CCNY: variants seen among roughly 807,000 people sequenced by gnomAD.
CCNY encodes cyclin-Y.
Under a neutral mutation model 42.8 loss-of-function variants are expected in CCNY, and 19 were observed. The ratio of observed to expected loss-of-function variants is 0.44; its 90% confidence interval spans 0.31 to 0.65. The LOEUF (loss-of-function observed/expected upper bound fraction) is 0.65, where lower values mean the gene tolerates loss of function less well. Among genes scored for constraint, CCNY ranks in the 30% least tolerant of loss-of-function variants. The pLI is 0.07. For synonymous variants in CCNY, 165 were observed against 162.7 expected (o/e 1.01, Z -0.11); for missense variants, 370 against 437.3 (o/e 0.85, Z 1.37).
chr10:35,490,492 A>T (rs916573259), intron 2 of CCNY, among the ~76,000 whole-genome samples: 4 of 152,244 alleles, frequency 2.6e-5, no homozygotes, highest in African/African-American at 4.8e-5. Context: ...CCTAGGCAGC[A>T]GTCTGCGGTC....
chr10:35,562,431 C>T (rs868092723), intron 8 of CCNY, among the ~76,000 whole-genome samples: 2 of 152,208 alleles, frequency 1.3e-5, no homozygotes, highest in African/African-American at 4.8e-5. Context: ...CCTTCATTTT[C>T]GCAAACTGAA....
intron 1 of CCNY, among the ~76,000 whole-genome samples, chr10:35,343,702 T>C (rs1836238035): frequency 6.6e-6 from 1 of 152,230 alleles, no homozygotes; most frequent in Admixed American, 6.5e-5. Flanking sequence ...ATGGTCTTGC[T>C]TTTACATTTC....
chr10:35,511,300 C>T (rs1445204837), intron 3 of CCNY, among the ~76,000 whole-genome samples: 1 of 152,120 alleles, frequency 6.6e-6, no homozygotes. Flanking sequence ...GCAGTCTAGA[C>T]CCCGGAGACA....
chr10:35,285,171 C>G (rs1349443350), intron 3 of CCNY, among the ~76,000 whole-genome samples: 1 of 152,008 alleles, frequency 6.6e-6, no homozygotes, highest in Non-Finnish European at 1.5e-5. Flanking sequence ...TGCACACCAC[C>G]TGTAATTACC....
chr10:35,516,282 G>A (rs1433854687), intron 3 of CCNY, among the ~76,000 whole-genome samples: 1 of 152,122 alleles, frequency 6.6e-6, no homozygotes, highest in Non-Finnish European at 1.5e-5. Context: ...AGAGTTTACT[G>A]TTCTCCTGAT....
intron 1 of CCNY, among the ~76,000 whole-genome samples, chr10:35,383,053 A>C (rs943441851): frequency 6.6e-6 from 1 of 152,084 alleles, no homozygotes; most frequent in African/African-American, 2.4e-5. Flanking sequence ...ATGGATCGAA[A>C]ACGCAATATT....
At chr10:35,562,051 G>A (rs1841477256) in intron 8 of CCNY, among the ~76,000 whole-genome samples, 1 of 152,202 alleles carries the variant, frequency 6.6e-6, no homozygotes, top group African/African-American at 2.4e-5. Flanking sequence ...GATGGGGAAA[G>A]GACAGTGAAA....
chr10:35,398,767 C>G (rs1454607927), intron 1 of CCNY, among the ~76,000 whole-genome samples: 5 of 152,206 alleles, frequency 3.3e-5, no homozygotes, highest in African/African-American at 1.2e-4. Context: ...ATAAAATACC[C>G]TTACAAGTTT....
chr10:35,411,512 CAAAAAAAAAAAA>C, intron 1 of CCNY, among the ~76,000 whole-genome samples: 1 of 61,396 alleles, frequency 1.6e-5, no homozygotes, highest in South Asian at 9.0e-4. Context: ...AAGACTCTGT[CAAAAAAAAAAAA>C]AAAAAAAAAA....
chr10:35,512,915 C>A (rs1050202573), intron 3 of CCNY, among the ~76,000 whole-genome samples: 28 of 152,064 alleles, frequency 1.8e-4, no homozygotes, highest in African/African-American at 6.0e-4. Context: ...CTTCCTCCTC[C>A]TCATCATCCT....
chr10:35,289,661 G>A (rs939614833), intron 3 of CCNY, among the ~76,000 whole-genome samples: 3 of 148,372 alleles, frequency 2.0e-5, no homozygotes, highest in African/African-American at 7.5e-5. Flanking sequence ...ATCACCTGAG[G>A]TCATGAGTTT....
chr10:35,260,211 A>G (rs1009994795), intron 3 of CCNY, among the ~76,000 whole-genome samples: 4 of 152,088 alleles, frequency 2.6e-5, no homozygotes, highest in African/African-American at 9.7e-5. Flanking sequence ...CATTTGATGA[A>G]CTCATTCCTG....
chr10:35,533,214 C>T (rs2135426583), intron 7 of CCNY, among the ~76,000 whole-genome samples: 1 of 152,288 alleles, frequency 6.6e-6, no homozygotes, highest in South Asian at 2.1e-4. Flanking sequence ...GAGATTTTGA[C>T]TGGCCCCAGT....
intron 1 of CCNY, among the ~76,000 whole-genome samples, chr10:35,354,117 G>A (rs1460632045): frequency 6.6e-6 from 1 of 151,970 alleles, no homozygotes; most frequent in Non-Finnish European, 1.5e-5. Flanking sequence ...GCTTCCCCTG[G>A]ACCAAGTGAT....
chr10:35,372,426 G>A (rs1836957762), intron 1 of CCNY, among the ~76,000 whole-genome samples: 1 of 152,222 alleles, frequency 6.6e-6, no homozygotes, highest in Non-Finnish European at 1.5e-5. Flanking sequence ...CTGAGTCCCT[G>A]GGATCAGCCT....
At chr10:35,425,355 G>A (rs532044447) in intron 1 of CCNY, among the ~76,000 whole-genome samples, 1 of 152,292 alleles carries the variant, frequency 6.6e-6, no homozygotes, top group East Asian at 1.9e-4. Context: ...CTTCCTGATT[G>A]GAAGGCGGCT....
chr10:35,281,851 T>C (rs1314780218), intron 3 of CCNY, among the ~76,000 whole-genome samples: 1 of 152,156 alleles, frequency 6.6e-6, no homozygotes, highest in African/African-American at 2.4e-5. Context: ...TCTTTAAATA[T>C]ACTGAAAACA....
intron 1 of CCNY, among the ~76,000 whole-genome samples, chr10:35,411,279 G>T: frequency 6.6e-6 from 1 of 152,212 alleles, no homozygotes; most frequent in East Asian, 1.9e-4. Flanking sequence ...TTGGGAGGCC[G>T]AGGCAGGAGG....
chr10:35,548,426 A>T (rs1841165560), intron 7 of CCNY, among the ~76,000 whole-genome samples: 1 of 151,410 alleles, frequency 6.6e-6, no homozygotes, highest in African/African-American at 2.4e-5. Flanking sequence ...AGCCTCCCAA[A>T]TAGCTGGGAT....
Sources: allele counts gnomAD v4.1 joint callset (sites outside exome capture counted in the v4.1 genomes callset), GRCh38; gene constraint gnomAD v4.1.1; transcripts MANE v1.5; gene names NCBI Gene and HGNC (gene_info 2026-07-23, HGNC 2026-07-21).